TRIM66: variants seen among roughly 807,000 people sequenced by gnomAD.
TRIM66 encodes the protein tripartite motif-containing protein 66.
TRIM66 carries 99 observed loss-of-function variants against 148.2 expected under a neutral mutation model. The observed-to-expected ratio is 0.67, with a 90% CI of 0.57 to 0.79. TRIM66 has a LOEUF of 0.79. TRIM66 is among the 30% of genes least tolerant of loss of function. TRIM66 has a pLI of 0.00. For missense variants in TRIM66, 1,666 were observed against 1,697.9 expected (o/e 0.98, Z 0.33); for synonymous variants, 616 against 635.9 (o/e 0.97, Z 0.47).
chr11:8,624,888 A>G lies in TRIM66; in HGVS notation c.2651T>C (p.Leu884Pro). The change falls in exon 16 of 25, where the codon CTA becomes CCA. Residue 884 changes from leucine (L) to proline (P), a missense_variant. This residue lies in a region of TRIM66 where 1,431 missense variants were observed against 1,412.4 expected (regional missense o/e 1.01). Transcript: ENST00000646038. ...CACAGCCTGGGTGTGACCAGACATTAGGCTGGGCCCAGCCTGAGGGTGATC... is the reference window on the plus strand; with the variant it reads ...CACAGCCTGGGTGTGACCAGACATTGGGCTGGGCCCAGCCTGAGGGTGATC... ...ASDHPQAGPS[L>P]MSGHTQAVPS... 1 of 1,551,662 alleles carries G rather than the reference A, an allele frequency of 6.4e-7. No individual in the cohort carries two copies. The highest frequency in any genetic ancestry group is 8.7e-7 in the Non-Finnish European group (1 of 1,146,936).
chr11:8,662,988 C>G (rs902223787), intron 6 of TRIM66: 4 of 152,174 alleles, frequency 2.6e-5, no homozygotes, highest in Non-Finnish European at 5.9e-5. Context: ...GACCTGGGAC[C>G]ATTCTTAATT....
intron 15 of TRIM66, among the ~76,000 whole-genome samples, chr11:8,628,636 A>AAAAAAAAAAAAAAAAAAAAAAAG (rs1555042270): frequency 2.1e-5 from 2 of 93,398 alleles, no homozygotes; most frequent in African/African-American, 7.1e-5. Flanking sequence ...AAAAAAAAAA[A>AAAAAAAAAAAAAAAAAAAAAAAG]AGAGAGAGAA....
chr11:8,628,042 G>A (rs2035019034), intron 15 of TRIM66, among the ~76,000 whole-genome samples: 1 of 152,082 alleles, frequency 6.6e-6, no homozygotes, highest in South Asian at 2.1e-4. Context: ...ATGTTGCCCA[G>A]GCTGGTCTTG....
intron 9 of TRIM66, 120 bp downstream of exon 9, chr11:8,648,296 A>G: frequency 2.8e-6 from 4 of 1,444,068 alleles, no homozygotes; most frequent in Non-Finnish European, 3.7e-6. Flanking sequence ...ACTTCAGCCC[A>G]GGGGCTGCAG....
chr11:8,662,054 G>A (rs143849617), intron 6 of TRIM66, among the ~76,000 whole-genome samples: 15 of 152,306 alleles, frequency 9.8e-5, no homozygotes, highest in African/African-American at 2.9e-4. Context: ...CAATTAAGGC[G>A]AGGAAACTGT....
At chr11:8,663,752 T>C (rs983903627) in intron 6 of TRIM66, among the ~76,000 whole-genome samples, 1 of 152,028 alleles carries the variant, frequency 6.6e-6, no homozygotes, top group Non-Finnish European at 1.5e-5. Context: ...TACTGATGAA[T>C]GGATAAAGAA....
At chr11:8,628,362 C>A (rs1340754801) in intron 15 of TRIM66, among the ~76,000 whole-genome samples, 1 of 151,856 alleles carries the variant, frequency 6.6e-6, no homozygotes. Context: ...CCTGTAATCC[C>A]AGCACTTTGG....
intron 6 of TRIM66, among the ~76,000 whole-genome samples, chr11:8,658,199 T>C (rs1427912077): frequency 2.6e-5 from 4 of 152,218 alleles, no homozygotes; most frequent in African/African-American, 7.2e-5. Context: ...CTCCTGTTTC[T>C]GTTTATCTCG....
At chr11:8,674,394 TA>T (rs2039082416) in intron 4 of TRIM66, among the ~76,000 whole-genome samples, 1 of 152,240 alleles carries the variant, frequency 6.6e-6, no homozygotes, top group Non-Finnish European at 1.5e-5. Flanking sequence ...TTTATTTATT[TA>T]TTTTTTGAGA....
At chr11:8,682,945 C>A, upstream of TRIM66, 1 of 1,301,822 alleles carries the variant, frequency 7.7e-7, no homozygotes, top group Non-Finnish European at 1.1e-6. Flanking sequence ...GCCTGCGGGG[C>A]AGGGTGGCCG....
intron 12 of TRIM66, among the ~76,000 whole-genome samples, chr11:8,644,027 C>T (rs2036633329): frequency 6.6e-6 from 1 of 152,106 alleles, no homozygotes; most frequent in African/African-American, 2.4e-5. Flanking sequence ...ATACCTAGAC[C>T]CTATTCATCA....
At chr11:8,655,296 GGCTTGGGAAAA>G (rs2037727449) in intron 6 of TRIM66, among the ~76,000 whole-genome samples, 1 of 152,144 alleles carries the variant, frequency 6.6e-6, no homozygotes, top group African/African-American at 2.4e-5. Flanking sequence ...AGAGGTGTGG[GGCTTGGGAAAA>G]GCTTTTAATT....
At chr11:8,682,569 T>G in intron 1 of TRIM66, 32 bp downstream of exon 1, 1 of 587,684 alleles carries the variant, frequency 1.7e-6, no homozygotes, top group Non-Finnish European at 3.0e-6. Flanking sequence ...TCAACAGTTC[T>G]CGCCCTCCGA....
chr11:8,650,090 A>G (rs2037225388), intron 7 of TRIM66, among the ~76,000 whole-genome samples: 1 of 152,132 alleles, frequency 6.6e-6, no homozygotes, highest in South Asian at 2.1e-4. Context: ...AACAGTGGCT[A>G]CTTCAGGTAT....
At chr11:8,664,575 T>C (rs1429787909) in intron 6 of TRIM66, among the ~76,000 whole-genome samples, 2 of 152,180 alleles carry the variant, frequency 1.3e-5, no homozygotes, top group Non-Finnish European at 2.9e-5. Context: ...CAAAAGATAA[T>C]GCCTGTACAG....
At position 8,621,231 on chromosome 11, in the gene TRIM66, G is replaced by T. The variant is rs760668763; in HGVS notation, c.3346C>A (p.Pro1116Thr). The T allele has an allele frequency of 1.3e-6, 2 of 1,551,568 alleles. No homozygotes were observed. The highest frequency in any genetic ancestry group is 1.7e-6 in the Non-Finnish European group (2 of 1,147,002). ...TVTSLAGQRPPEVEGTSPEEH... is the reference protein window; with the variant it reads ...TVTSLAGQRPTEVEGTSPEEH... ...TCAGGAGATGTGCCCTCCACTTCTG[G>T]TGGCCGCTGCCCAGCCAAAGAAGTG... is the stretch of plus-strand genomic sequence containing the variant. The change falls in exon 20 of 25, where the codon CCA (proline) becomes ACA (threonine). Residue 1116 changes from proline (P) to threonine (T), a missense_variant. By Grantham distance (38) the Pro-to-Thr change is conservative. Coordinates refer to ENST00000646038, the MANE Select transcript of TRIM66 (RefSeq NM_001388022.1).
intron 6 of TRIM66, among the ~76,000 whole-genome samples, chr11:8,661,800 C>A (rs989409873): frequency 2.0e-5 from 3 of 152,144 alleles, no homozygotes; most frequent in Non-Finnish European, 4.4e-5. Flanking sequence ...CTAACCACTC[C>A]CCCTTAAATC....
Position 8,618,498 on chromosome 11 carries a change from TCTG to T in TRIM66, c.4119+249_4119+251del, listed in dbSNP as rs1270234474. On this transcript the variant is annotated intron_variant, in intron 24 of 24. Transcript: ENST00000646038. Reference sequence around the variant, plus strand: ...AGGACAACTGGTTTCTCAGCCCAGGTCTGCTGCTAAATGCTGGGTTACCCTGGG... The same window carrying T: ...AGGACAACTGGTTTCTCAGCCCAGGTCTGCTAAATGCTGGGTTACCCTGGG... Among the ~76,000 whole-genome samples the T allele has an allele frequency of 2.0e-5, 3 of 152,186 alleles. No individual in the cohort carries two copies. In the East Asian group the frequency reaches 5.8e-4, roughly 29 times the overall value.
chr11:8,640,966 C>T lies in TRIM66; in HGVS notation c.1409G>A (p.Cys470Tyr). ...TTTGAGGGAAGGCGAGACTGGGGAG[C>T]AGTGGGAGCAGCACACAGATGAGGA... ...VCSSSVCCSH[C>Y]SPVSPSLKGQ... The change falls in exon 14 of 25, where the codon TGC becomes TAC. Residue 470 changes from cysteine (C) to tyrosine (Y), a missense_variant. Transcript: ENST00000646038. 1 of 1,551,300 alleles carries T rather than the reference C, an allele frequency of 6.4e-7. No homozygotes were observed. The highest frequency in any genetic ancestry group is 8.7e-7 in the Non-Finnish European group (1 of 1,146,958).
Sources: gnomAD v4.1 joint callset for allele counts (sites outside exome capture counted in the v4.1 genomes callset) on GRCh38, gnomAD v4.1.1 for gene constraint, gnomAD v4.1.1 regional missense constraint, MANE v1.5 for transcripts, NCBI Gene and HGNC (gene_info 2026-07-23, HGNC 2026-07-21) for gene names.